Variants in CTNNA2 observed in about 807,000 individuals in gnomAD.
CTNNA2 encodes catenin alpha-2.
In CTNNA2, 42 loss-of-function variants were observed where a neutral mutation model predicts 101.0. The ratio of observed to expected loss-of-function variants is 0.42; its 90% CI spans 0.32 to 0.54. The LOEUF is 0.54. Among genes scored for constraint, CTNNA2 ranks in the 20% least tolerant of loss-of-function variants. The pLI is 0.14. For missense variants in CTNNA2, 871 were observed against 1,223.1 expected, an observed-to-expected ratio of 0.71 and a Z score of 4.29; for synonymous variants, 450 against 456.4, an observed-to-expected ratio of 0.99 and a Z score of 0.18.
intron 7 of CTNNA2, among the ~76,000 whole-genome samples, chr2:80,243,990 A>G (rs942357013): frequency 6.6e-6 from 1 of 152,224 alleles, no homozygotes; most frequent in Non-Finnish European, 1.5e-5. Flanking sequence ...GGCCATCTGC[A>G]TCAAACGTGG....
chr2:79,409,138 T>A (rs891112611), intron 4 of CTNNA2, among the ~76,000 whole-genome samples: 1 of 152,012 alleles, frequency 6.6e-6, no homozygotes, highest in South Asian at 2.1e-4. Context: ...CCACTTTTTG[T>A]TGGGGTTGTT....
intron 1 of CTNNA2, among the ~76,000 whole-genome samples, 158 bp downstream of exon 1, chr2:79,513,365 CCTTT>C (rs1671633282): frequency 6.6e-6 from 1 of 151,448 alleles, no homozygotes; most frequent in Non-Finnish European, 1.5e-5. Flanking sequence ...TCCCTTCCAG[CCTTT>C]CTTTCATCCC....
chr2:79,201,541 G>T (rs1248796102), intron 2 of CTNNA2, among the ~76,000 whole-genome samples: 3 of 152,160 alleles, frequency 2.0e-5, no homozygotes, highest in African/African-American at 7.2e-5. Flanking sequence ...TTGTTGGAAG[G>T]AAGTAAAGCT....
intron 7 of CTNNA2, among the ~76,000 whole-genome samples, chr2:79,999,437 T>C (rs1692776491): frequency 6.6e-6 from 1 of 152,190 alleles, no homozygotes; most frequent in Non-Finnish European, 1.5e-5. Context: ...AAATTCAACA[T>C]CTTGGAAACA....
chr2:80,238,168 A>C (rs2149086468), intron 7 of CTNNA2, among the ~76,000 whole-genome samples: 1 of 152,148 alleles, frequency 6.6e-6, no homozygotes, highest in African/African-American at 2.4e-5. Context: ...CCAGAAATAA[A>C]AGTCCATTTA....
At chr2:80,145,243 G>A (rs1331110875) in intron 7 of CTNNA2, among the ~76,000 whole-genome samples, 1 of 152,142 alleles carries the variant, frequency 6.6e-6, no homozygotes, top group Admixed American at 6.5e-5. Context: ...AAGGCTGTAG[G>A]TGGCAGCAAA....
At chr2:80,349,259 A>G (rs1673061763) in intron 7 of CTNNA2, among the ~76,000 whole-genome samples, 1 of 152,104 alleles carries the variant, frequency 6.6e-6, no homozygotes, top group African/African-American at 2.4e-5. Flanking sequence ...ATTTCTGTAT[A>G]TCTGAGAAGG....
At chr2:79,639,255 A>G (rs1304898618) in intron 1 of CTNNA2, among the ~76,000 whole-genome samples, 2 of 152,232 alleles carry the variant, frequency 1.3e-5, no homozygotes, top group South Asian at 2.1e-4. Flanking sequence ...TCTCTAATCA[A>G]TATTAAGCAT....
chr2:79,720,800 A>G (rs1686430817), intron 2 of CTNNA2, among the ~76,000 whole-genome samples: 1 of 152,064 alleles, frequency 6.6e-6, no homozygotes, highest in South Asian at 2.1e-4. Context: ...GGTTTTCTAG[A>G]TATAGAATCA....
At chr2:79,837,647 CT>C (rs1314036068) in intron 3 of CTNNA2, among the ~76,000 whole-genome samples, 2 of 151,488 alleles carry the variant, frequency 1.3e-5, no homozygotes, top group African/African-American at 2.4e-5. Flanking sequence ...TCAGCGAAAA[CT>C]TTTTTTTCTC....
At chr2:79,340,833 C>CAAAAAAAAAAAAA (rs56276462) in intron 3 of CTNNA2, among the ~76,000 whole-genome samples, 81 of 32,348 alleles carry the variant, frequency 2.5e-3, no homozygotes, top group South Asian at 3.7e-3. Flanking sequence ...GACTCAGTCT[C>CAAAAAAAAAAAAA]AAAAAAAAAA....
At chr2:79,614,516 T>C (rs1678493359) in intron 1 of CTNNA2, among the ~76,000 whole-genome samples, 2 of 152,020 alleles carry the variant, frequency 1.3e-5, no homozygotes, top group African/African-American at 2.4e-5. Context: ...ATAAGAATTA[T>C]GAAAATGAAA....
chr2:79,910,955 A>G (rs573954211), intron 7 of CTNNA2, among the ~76,000 whole-genome samples: 1 of 152,326 alleles, frequency 6.6e-6, no homozygotes, highest in South Asian at 2.1e-4. Context: ...ACTAAAAAAA[A>G]CAAAATTTGT....
chr2:79,883,493 A>G (rs950120488), intron 6 of CTNNA2, among the ~76,000 whole-genome samples: 1 of 152,196 alleles, frequency 6.6e-6, no homozygotes. Flanking sequence ...TTGATAATCA[A>G]TGGAAAACTC....
At chr2:79,722,768 T>C (rs1686572714) in intron 2 of CTNNA2, among the ~76,000 whole-genome samples, 1 of 152,192 alleles carries the variant, frequency 6.6e-6, no homozygotes, top group Non-Finnish European at 1.5e-5. Flanking sequence ...GCCTGTGTCC[T>C]AATTGGTCCA....
At chr2:79,731,021 A>G (rs1422692162) in intron 2 of CTNNA2, among the ~76,000 whole-genome samples, 2 of 152,052 alleles carry the variant, frequency 1.3e-5, no homozygotes, top group Non-Finnish European at 2.9e-5. Flanking sequence ...ATCAAAGAAG[A>G]ATAAAGAAAT....
chr2:79,449,540 G>T (rs571876177), intron 4 of CTNNA2, among the ~76,000 whole-genome samples: 1 of 151,870 alleles, frequency 6.6e-6, no homozygotes, highest in Non-Finnish European at 1.5e-5. Context: ...CACATAGAAA[G>T]GTAACTCGTT....
rs1291063417 is a variant in CTNNA2, at chr2:79,516,121, T to C, written c.-6+2914T>C. Among the ~76,000 whole-genome samples, 4 of 152,230 alleles carry C rather than the reference T, an allele frequency of 2.6e-5. No homozygotes were observed. In the East Asian group the frequency reaches 5.8e-4, roughly 22 times the overall value. The stretch of plus-strand genomic sequence containing the variant: ...CAGGCTCTAGTTCTTAGGAGGATCA[T>C]GTCCTTGTGTACAATTTAAATCTGT... On this transcript the variant is annotated intron_variant, in intron 1 of 18. Transcript: ENST00000402739.
chr2:80,636,306 G>T (rs1307722774), intron 18 of CTNNA2, among the ~76,000 whole-genome samples: 1 of 152,038 alleles, frequency 6.6e-6, no homozygotes, highest in Non-Finnish European at 1.5e-5. Context: ...TGGCTTCAGT[G>T]GTTTAAGACC....
Sources: gnomAD v4.1 joint callset for allele counts (sites outside exome capture counted in the v4.1 genomes callset) on GRCh38, gnomAD v4.1.1 for gene constraint, MANE v1.5 for transcripts, NCBI Gene and HGNC (gene_info 2026-07-23, HGNC 2026-07-21) for gene names.